Variants in CADPS observed in about 807,000 individuals in gnomAD.
The protein encoded by CADPS is calcium-dependent secretion activator 1.
Under a neutral mutation model 167.3 loss-of-function variants are expected in CADPS, and 57 were observed. The observed-to-expected ratio is 0.34, with a 90% CI of 0.28 to 0.42. CADPS has a LOEUF of 0.42. CADPS is among the 20% of genes least tolerant of loss of function. The pLI, the probability that CADPS is intolerant of heterozygous loss-of-function variation, is 1.00. For synonymous variants in CADPS, 676 were observed against 635.3 expected (o/e 1.06, Z -0.96); for missense variants, 1,414 against 1,738.1 (o/e 0.81, Z 3.32).
At position 62,426,969 on chromosome 3, in the gene CADPS, G is replaced by A. The variant is rs574130297; in HGVS notation, c.3777+11135C>T. Among the ~76,000 whole-genome samples, 77 of 151,952 alleles carry A rather than the reference G, an allele frequency of 5.1e-4. 1 individual carries two copies. Among genetic ancestry groups the A allele is most frequent in the Admixed American group, 2.7e-3 (41 of 15,252 alleles). On this transcript the variant is annotated intron_variant, in intron 28 of 29. Transcript: ENST00000383710. Reference sequence around the variant, plus strand: ...AGGCGCCTATAGTCCCAGCTACTAGGGAGGCTGAGGCAGGAGAATGGCGTG... The same window carrying A: ...AGGCGCCTATAGTCCCAGCTACTAGAGAGGCTGAGGCAGGAGAATGGCGTG...
At chr3:62,400,209 C>G (rs1284964138) in intron 29 of CADPS, among the ~76,000 whole-genome samples, 3 of 152,196 alleles carry the variant, frequency 2.0e-5, no homozygotes, top group Non-Finnish European at 4.4e-5. Flanking sequence ...AGAACTGTAT[C>G]TATTCTGTTC....
chr3:62,606,087 C>T (rs1046063799), intron 6 of CADPS, among the ~76,000 whole-genome samples: 2 of 152,152 alleles, frequency 1.3e-5, no homozygotes, highest in Non-Finnish European at 2.9e-5. Context: ...TTCCTGACCC[C>T]AGGGGATAGA....
At chr3:62,714,749 T>A (rs2084085932) in intron 3 of CADPS, among the ~76,000 whole-genome samples, 1 of 152,178 alleles carries the variant, frequency 6.6e-6, no homozygotes. Flanking sequence ...ACTGTCATTT[T>A]AATATTATTG....
intron 3 of CADPS, among the ~76,000 whole-genome samples, chr3:62,706,031 C>T (rs2082244348): frequency 6.6e-6 from 1 of 152,106 alleles, no homozygotes; most frequent in African/African-American, 2.4e-5. Context: ...TTCTCACCCA[C>T]CCTCAAGTAA....
chr3:62,512,689 A>G, intron 17 of CADPS, 62 bp downstream of exon 17: 2 of 1,416,104 alleles, frequency 1.4e-6, no homozygotes, highest in Non-Finnish European at 2.0e-6. Context: ...GAAAAACAAA[A>G]ACAAAAACTG....
intron 11 of CADPS, among the ~76,000 whole-genome samples, chr3:62,538,044 C>T (rs1243749657): frequency 1.3e-5 from 2 of 152,088 alleles, no homozygotes; most frequent in African/African-American, 4.8e-5. Context: ...AGCCAAATCG[C>T]TCCATTAGAA....
chr3:62,710,440 G>T (rs71296791), intron 3 of CADPS, among the ~76,000 whole-genome samples: 1 of 151,776 alleles, frequency 6.6e-6, no homozygotes, highest in Admixed American at 6.6e-5. Context: ...GAAAGTTACC[G>T]AACCTCTCCA....
intron 1 of CADPS, among the ~76,000 whole-genome samples, chr3:62,766,916 T>A (rs1197938473): frequency 6.6e-6 from 1 of 152,164 alleles, no homozygotes; most frequent in African/African-American, 2.4e-5. Context: ...ACATGCGGTG[T>A]CTTTTCTTGC....
intron 6 of CADPS, among the ~76,000 whole-genome samples, chr3:62,603,194 T>C (rs2060210818): frequency 6.6e-6 from 1 of 152,194 alleles, no homozygotes; most frequent in African/African-American, 2.4e-5. Flanking sequence ...ATGAGCACAC[T>C]CAATAGGCAT....
At chr3:62,609,134 C>A (rs966854293) in intron 6 of CADPS, among the ~76,000 whole-genome samples, 2 of 152,142 alleles carry the variant, frequency 1.3e-5, no homozygotes, top group South Asian at 2.1e-4. Flanking sequence ...TTCTTTAACC[C>A]CTGGGGTAGA....
intron 1 of CADPS, among the ~76,000 whole-genome samples, chr3:62,835,890 G>A (rs1467903963): frequency 6.6e-6 from 1 of 152,168 alleles, no homozygotes; most frequent in African/African-American, 2.4e-5. Flanking sequence ...TACTGGGGGA[G>A]TCAAACACAT....
intron 10 of CADPS, chr3:62,550,813 T>C (rs1279843916): frequency 4.4e-6 from 2 of 456,680 alleles, no homozygotes; most frequent in African/African-American, 2.0e-5. Context: ...CAATGACTGA[T>C]TAAAAGCCCT....
rs1561930792 is a variant in CADPS at position 62,544,994 on chromosome 3, T to TA, written c.1966+4908dup. ...CGAGCAAAGATTGAACAAGAAAACTTAAACAAAACAAAACAAAAAACAAAA... is the reference window on the plus strand; with the variant it reads ...CGAGCAAAGATTGAACAAGAAAACTTAAAACAAAACAAAACAAAAAACAAAA... On this transcript the variant is annotated intron_variant, in intron 11 of 29. Transcript: ENST00000383710. The surrounding 1 kb of genome is among the most constrained non-coding windows in gnomAD (Gnocchi z 4.4). The TA allele has an allele frequency of 3.2e-6, 1 of 310,190 alleles. No individual in the cohort carries two copies. The highest frequency in any genetic ancestry group is 5.1e-6 in the Non-Finnish European group (1 of 195,996). 19.2% of individuals were successfully genotyped at this position (310,190 alleles called of 1,614,324 possible).
chr3:62,492,476 A>C, intron 19 of CADPS, 30 bp from the exon 20 acceptor site: 7 of 1,605,472 alleles, frequency 4.4e-6, no homozygotes, highest in Non-Finnish European at 6.0e-6. Context: ...AACAATAGAC[A>C]AAGAAGTGAT....
At chr3:62,652,602 C>G (rs890696432) in intron 4 of CADPS, among the ~76,000 whole-genome samples, 1 of 151,582 alleles carries the variant, frequency 6.6e-6, no homozygotes, top group Non-Finnish European at 1.5e-5. Context: ...GGCTGCCACA[C>G]TGGATCAGGT....
intron 20 of CADPS, among the ~76,000 whole-genome samples, chr3:62,491,772 T>A (rs76934723): frequency 6.9e-6 from 1 of 144,046 alleles, no homozygotes; most frequent in East Asian, 1.9e-4. Context: ...ATCCACACTA[T>A]TTTTTTTTCT....
chr3:62,858,751 T>C (rs1356575570), intron 1 of CADPS, among the ~76,000 whole-genome samples: 1 of 152,034 alleles, frequency 6.6e-6, no homozygotes, highest in African/African-American at 2.4e-5. Flanking sequence ...TATGTGTTGC[T>C]TGAGTTCAAG....
intron 21 of CADPS, among the ~76,000 whole-genome samples, chr3:62,482,103 ACCCATACACAATGATCACATGCCT>A (rs1481735509): frequency 2.6e-5 from 4 of 152,302 alleles, no homozygotes; most frequent in Admixed American, 6.5e-5. Context: ...TTAAAAGTGC[ACCCATACACAATGATCACATGCCT>A]TTGGGAGGGG....
chr3:62,793,631 T>C (rs1005926805), intron 1 of CADPS, among the ~76,000 whole-genome samples: 1 of 152,226 alleles, frequency 6.6e-6, no homozygotes, highest in Non-Finnish European at 1.5e-5. Flanking sequence ...TGATTAGGGA[T>C]GGGCTTACTT....
Sources: gnomAD v4.1 joint callset for allele counts (sites outside exome capture counted in the v4.1 genomes callset) on GRCh38, gnomAD v4.1.1 for gene constraint, Gnocchi (gnomAD v3.1) non-coding constraint, MANE v1.5 for transcripts, NCBI Gene and HGNC (gene_info 2026-07-23, HGNC 2026-07-21) for gene names.